Variants in CNTN1 observed in about 807,000 individuals in gnomAD.
CNTN1 encodes contactin-1.
In CNTN1, 38 loss-of-function variants were observed where a neutral mutation model predicts 126.4. The ratio of observed to expected loss-of-function variants is 0.30; its 90% CI spans 0.23 to 0.39. The LOEUF (loss-of-function observed/expected upper bound fraction) is 0.39, where lower values mean the gene tolerates loss of function less well. CNTN1 is among the 10% of genes least tolerant of loss of function. The pLI is 1.00. For synonymous variants in CNTN1, 413 were observed against 422.6 expected, an observed-to-expected ratio of 0.98 and a Z score of 0.28; for missense variants, 1,009 against 1,248.4, an observed-to-expected ratio of 0.81 and a Z score of 2.89.
At chr12:41,008,085 C>A (rs1311283863) in intron 17 of CNTN1, among the ~76,000 whole-genome samples, 1 of 152,158 alleles carries the variant, frequency 6.6e-6, no homozygotes, top group African/African-American at 2.4e-5. Flanking sequence ...TTTCTGGCAA[C>A]TTCCTCCTAT....
intron 1 of CNTN1, among the ~76,000 whole-genome samples, chr12:40,791,301 T>C (rs114877869): frequency 1.1e-3 from 165 of 152,276 alleles, no homozygotes; most frequent in African/African-American, 3.8e-3. Context: ...ATCACCTTGT[T>C]CCTGACAATA....
At chr12:41,010,385 C>T (rs997053464) in intron 17 of CNTN1, among the ~76,000 whole-genome samples, 4 of 152,188 alleles carry the variant, frequency 2.6e-5, no homozygotes, top group South Asian at 4.1e-4. Context: ...CCCTGACTTG[C>T]TGCACCTATA....
intron 1 of CNTN1, among the ~76,000 whole-genome samples, chr12:40,838,951 G>T (rs1417170757): frequency 6.6e-6 from 1 of 151,960 alleles, no homozygotes; most frequent in Non-Finnish European, 1.5e-5. Flanking sequence ...TTCAGGCAAA[G>T]AATTCAAAAT....
At chr12:40,985,742 T>C (rs1448449279) in intron 16 of CNTN1, among the ~76,000 whole-genome samples, 1 of 152,192 alleles carries the variant, frequency 6.6e-6, no homozygotes, top group Admixed American at 6.6e-5. Flanking sequence ...GGAAAATTCT[T>C]AGCCATTCAT....
At chr12:41,048,191 C>T (rs1017942355) in intron 23 of CNTN1, among the ~76,000 whole-genome samples, 2 of 152,176 alleles carry the variant, frequency 1.3e-5, no homozygotes, top group Admixed American at 6.6e-5. Context: ...AATGCCAACA[C>T]GAACACTGGT....
chr12:40,867,675 T>A (rs1292075544), intron 1 of CNTN1, among the ~76,000 whole-genome samples: 1 of 152,086 alleles, frequency 6.6e-6, no homozygotes, highest in Non-Finnish European at 1.5e-5. Context: ...TTAGGACAGA[T>A]AATTTTTGAA....
At chr12:40,750,560 TG>T (rs1277947534) in intron 1 of CNTN1, among the ~76,000 whole-genome samples, 1 of 152,014 alleles carries the variant, frequency 6.6e-6, no homozygotes, top group Non-Finnish European at 1.5e-5. Context: ...CTCAGCTCTT[TG>T]GGAGGCTGAG....
At chr12:40,745,076 G>A (rs1223681976) in intron 1 of CNTN1, among the ~76,000 whole-genome samples, 1 of 152,038 alleles carries the variant, frequency 6.6e-6, no homozygotes, top group African/African-American at 2.4e-5. Context: ...GCTATAAAAA[G>A]CCCATATTGA....
chr12:40,983,859 GC>G (rs1462460906), intron 16 of CNTN1, among the ~76,000 whole-genome samples: 8 of 61,890 alleles, frequency 1.3e-4, no homozygotes, highest in Non-Finnish European at 2.3e-4. Flanking sequence ...TTTATTATAT[GC>G]TATTATAGCA....
chr12:40,781,814 T>C (rs547921969), intron 1 of CNTN1, among the ~76,000 whole-genome samples: 7 of 152,140 alleles, frequency 4.6e-5, no homozygotes, highest in African/African-American at 1.4e-4. Context: ...GGATCCTTAT[T>C]GATTTATTTA....
At chr12:40,858,029 C>G (rs1349197607) in intron 1 of CNTN1, among the ~76,000 whole-genome samples, 1 of 152,186 alleles carries the variant, frequency 6.6e-6, no homozygotes. Context: ...CAGAATCTCA[C>G]AAGGTTGAAG....
At chr12:40,732,798 A>G (rs1942532775) in intron 1 of CNTN1, among the ~76,000 whole-genome samples, 1 of 152,096 alleles carries the variant, frequency 6.6e-6, no homozygotes, top group African/African-American at 2.4e-5. Context: ...TATTTCACTA[A>G]TATAAAACTC....
intron 1 of CNTN1, among the ~76,000 whole-genome samples, chr12:40,901,097 T>C (rs994319938): frequency 6.6e-6 from 1 of 152,200 alleles, no homozygotes; most frequent in African/African-American, 2.4e-5. Flanking sequence ...TTTTCGTATC[T>C]GATCCTGACC....
intron 1 of CNTN1, among the ~76,000 whole-genome samples, chr12:40,848,095 C>G (rs764969609): frequency 6.6e-6 from 1 of 152,164 alleles, no homozygotes; most frequent in African/African-American, 2.4e-5. Flanking sequence ...CCATACCACT[C>G]GGCAGCCTGG....
At chr12:40,725,774 G>T (rs1592016471) in intron 1 of CNTN1, among the ~76,000 whole-genome samples, 1 of 152,126 alleles carries the variant, frequency 6.6e-6, no homozygotes, top group South Asian at 2.1e-4. Context: ...TGGTGGAGTT[G>T]AGTCTAATCC....
chr12:40,998,477 A>G (rs997467690), intron 17 of CNTN1, among the ~76,000 whole-genome samples: 12 of 152,154 alleles, frequency 7.9e-5, no homozygotes, highest in Non-Finnish European at 1.6e-4. Flanking sequence ...CTGATGAGAC[A>G]TAACTATCTG....
At chr12:40,708,738 T>G (rs1941834036) in intron 1 of CNTN1, among the ~76,000 whole-genome samples, 1 of 152,222 alleles carries the variant, frequency 6.6e-6, no homozygotes, top group Admixed American at 6.5e-5. Flanking sequence ...TTCAACAATG[T>G]TCACAGCATC....
intron 1 of CNTN1, among the ~76,000 whole-genome samples, chr12:40,850,541 C>T (rs1193367810): frequency 1.3e-5 from 2 of 151,042 alleles, no homozygotes; most frequent in Admixed American, 6.6e-5. Context: ...TCATTCTTTG[C>T]ATTAAAAAAA....
At chr12:40,791,371 T>G (rs1940215091) in intron 1 of CNTN1, among the ~76,000 whole-genome samples, 1 of 152,156 alleles carries the variant, frequency 6.6e-6, no homozygotes, top group Non-Finnish European at 1.5e-5. Flanking sequence ...TTCTCTGCTA[T>G]GGTCTAAAAT....
Sources: gnomAD v4.1 joint callset for allele counts (sites outside exome capture counted in the v4.1 genomes callset) on GRCh38, gnomAD v4.1.1 for gene constraint, MANE v1.5 for transcripts, NCBI Gene and HGNC (gene_info 2026-07-23, HGNC 2026-07-21) for gene names.